Variants in RNF43 observed in about 807,000 individuals in gnomAD.
RNF43 encodes the protein ring finger protein 43.
In RNF43, 37 loss-of-function variants were observed where a neutral mutation model predicts 78.4. The ratio of observed to expected loss-of-function variants is 0.47; its 90% CI spans 0.36 to 0.62. The LOEUF (loss-of-function observed/expected upper bound fraction) is 0.62, where lower values mean the gene tolerates loss of function less well. Among genes scored for constraint, RNF43 ranks in the 20% least tolerant of loss-of-function variants. The probability of loss-of-function intolerance (pLI) is 0.00; values close to 1 mark genes in which losing one functional copy is unlikely to be tolerated. For synonymous variants in RNF43, 347 were observed against 395.0 expected (o/e 0.88, Z 1.44); for missense variants, 774 against 1,007.9 (o/e 0.77, Z 3.14).
chr17:58,414,515 C>T (rs1010598373), intron 2 of RNF43, among the ~76,000 whole-genome samples: 4 of 152,182 alleles, frequency 2.6e-5, no homozygotes, highest in African/African-American at 9.7e-5. Flanking sequence ...GCCCTCTAGG[C>T]TCTGTCTTTA....
intron 2 of RNF43, among the ~76,000 whole-genome samples, chr17:58,386,453 C>T (rs557486052): frequency 6.6e-6 from 1 of 152,038 alleles, no homozygotes; most frequent in Non-Finnish European, 1.5e-5. Flanking sequence ...AACAACAACA[C>T]CGTGCAAGAA....
chr17:58,383,612 G>GT (rs1973367217), intron 2 of RNF43, among the ~76,000 whole-genome samples: 1 of 151,996 alleles, frequency 6.6e-6, no homozygotes, highest in African/African-American at 2.4e-5. Context: ...TGAAGCCCAA[G>GT]TTTTTTTGTT....
intron 3 of RNF43, 141 bp downstream of exon 3, chr17:58,370,770 A>T: frequency 1.0e-6 from 1 of 967,876 alleles, no homozygotes; most frequent in Admixed American, 3.1e-5. Flanking sequence ...CACTTCTCTC[A>T]GACCAGTCAT....
intron 3 of RNF43, among the ~76,000 whole-genome samples, chr17:58,364,709 T>A (rs898181674): frequency 1.3e-5 from 2 of 152,208 alleles, no homozygotes; most frequent in Non-Finnish European, 2.9e-5. Flanking sequence ...CCCCAAAGTC[T>A]CTGGGGTCTT....
intron 2 of RNF43, among the ~76,000 whole-genome samples, chr17:58,404,610 C>T (rs1436725455): frequency 2.6e-5 from 4 of 152,096 alleles, no homozygotes; most frequent in Non-Finnish European, 5.9e-5. Flanking sequence ...TCATATCATA[C>T]TAAAATCAAC....
chr17:58,370,616 T>G (rs1973072026), intron 3 of RNF43, among the ~76,000 whole-genome samples: 2 of 152,172 alleles, frequency 1.3e-5, no homozygotes, highest in Non-Finnish European at 2.9e-5. Flanking sequence ...AATTGACCCC[T>G]TCTTTGCTCT....
intron 2 of RNF43, among the ~76,000 whole-genome samples, chr17:58,381,709 G>A (rs1431613961): frequency 6.6e-6 from 1 of 152,032 alleles, no homozygotes; most frequent in East Asian, 1.9e-4. Flanking sequence ...TGCGCTCCTA[G>A]GAACTAAAAA....
chr17:58,377,668 C>T (rs1431235878), intron 2 of RNF43, among the ~76,000 whole-genome samples: 7 of 142,092 alleles, frequency 4.9e-5, no homozygotes, highest in African/African-American at 7.9e-5. Context: ...ACTCTCCTCC[C>T]CACCCACCCA....
chr17:58,387,874 C>T (rs570500463), intron 2 of RNF43, among the ~76,000 whole-genome samples: 1 of 152,218 alleles, frequency 6.6e-6, no homozygotes, highest in East Asian at 1.9e-4. Context: ...TATATGACAT[C>T]AGCCACCATG....
Position 58,390,418 on chromosome 17 carries a change from G to A in RNF43, c.253-19385C>T, listed in dbSNP as rs149376559. 6.6e-5 allele frequency among the ~76,000 whole-genome samples: 10 copies of A among 152,292 alleles called. No homozygotes were observed. In the South Asian group the frequency reaches 2.1e-3, roughly 32 times the overall value. The stretch of plus-strand genomic sequence containing the variant: ...AGATATTGTTTTCTAGAGCAAAAGA[G>A]TCTAGCTGCTTTACACTTGGGATTC... On this transcript the variant is annotated intron_variant, in intron 2 of 9. Coordinates refer to ENST00000407977, the MANE Select transcript of RNF43 (RefSeq NM_017763.6).
chr17:58,370,516 G>T (rs1973069233), intron 3 of RNF43, among the ~76,000 whole-genome samples: 1 of 152,212 alleles, frequency 6.6e-6, no homozygotes, highest in Non-Finnish European at 1.5e-5. Context: ...GGGGAAAAGT[G>T]TGAACTTTTT....
intron 2 of RNF43, among the ~76,000 whole-genome samples, chr17:58,384,265 G>C (rs1019786730): frequency 6.6e-6 from 1 of 152,172 alleles, no homozygotes; most frequent in Non-Finnish European, 1.5e-5. Flanking sequence ...GTTCCTGTTC[G>C]CATTTGTCAG....
intron 2 of RNF43, among the ~76,000 whole-genome samples, chr17:58,405,396 A>G (rs1308161921): frequency 1.3e-5 from 2 of 151,894 alleles, no homozygotes; most frequent in Non-Finnish European, 2.9e-5. Context: ...TCTTTCTCTA[A>G]CTTTAAGCTA....
chr17:58,417,293 C>G lies in RNF43; in HGVS notation c.-662G>C, dbSNP rs1252490033. 1 of 152,160 alleles carries G rather than the reference C, an allele frequency of 6.6e-6. No homozygotes were observed. The highest frequency in any genetic ancestry group is 1.5e-5 in the Non-Finnish European group (1 of 68,036). 9.4% of individuals were successfully genotyped at this position (152,160 alleles called of 1,614,324 possible). ...CTAAATTAAACACTTACAGAAAATC[C>G]AAAATCATTTCTGAAACCTCCTTGC... On this transcript the variant is annotated 5_prime_UTR_variant, in exon 1 of 10. Transcript: ENST00000407977.
intron 2 of RNF43, among the ~76,000 whole-genome samples, chr17:58,380,670 C>CCAGAT (rs1225654750): frequency 6.6e-6 from 1 of 152,198 alleles, no homozygotes; most frequent in Non-Finnish European, 1.5e-5. Context: ...CTTAAGGAAA[C>CCAGAT]CAGATCATTT....
chr17:58,369,124 G>A (rs1973026442), intron 3 of RNF43, among the ~76,000 whole-genome samples: 1 of 152,076 alleles, frequency 6.6e-6, no homozygotes, highest in Non-Finnish European at 1.5e-5. Flanking sequence ...ATGTAATGCA[G>A]TACAGGCACT....
At chr17:58,399,429 G>C (rs1973749127) in intron 2 of RNF43, among the ~76,000 whole-genome samples, 1 of 101,196 alleles carries the variant, frequency 9.9e-6, no homozygotes, top group Admixed American at 1.0e-4. Flanking sequence ...GAGAGTCTTA[G>C]AGACTTGCGG....
chr17:58,358,249 C>T lies in RNF43; in HGVS notation c.1527G>A (p.Val509=), dbSNP rs549485999. 12 of 1,613,924 alleles carry T rather than the reference C, an allele frequency of 7.4e-6. No homozygotes were observed. The South Asian group carries it at 1.3e-4, about 18-fold the overall frequency. ...GGGGATCCCCTTTAGGGCTGCAGTA[C>T]ACTAGGGGGTCAAAGTCACTGCTTA... is the stretch of plus-strand genomic sequence containing the variant. The part of the protein sequence containing the change: ...SSLSSDFDPL[V]YCSPKGDPQR... The change falls in exon 9 of 10, where the codon GTG becomes GTA. Residue 509 remains valine, a synonymous_variant. Coordinates refer to ENST00000407977, the MANE Select transcript of RNF43 (RefSeq NM_017763.6). The surrounding 1 kb of genome is among the most constrained non-coding windows in gnomAD (Gnocchi z 6.2).
At chr17:58,401,114 T>C (rs1246937764) in intron 2 of RNF43, among the ~76,000 whole-genome samples, 2 of 152,212 alleles carry the variant, frequency 1.3e-5, no homozygotes, top group Admixed American at 1.3e-4. Flanking sequence ...GGGGAGAACA[T>C]ACTTTCCTTC....
Sources: allele counts gnomAD v4.1 joint callset (sites outside exome capture counted in the v4.1 genomes callset), GRCh38; gene constraint gnomAD v4.1.1; non-coding constraint Gnocchi (gnomAD v3.1); transcripts MANE v1.5; gene names NCBI Gene and HGNC (gene_info 2026-07-23, HGNC 2026-07-21).